PERM1: variants seen among roughly 807,000 people sequenced by gnomAD.
The protein encoded by PERM1 is PPARGC1 and ESRR induced regulator, muscle 1.
Under a neutral mutation model 44.1 loss-of-function variants are expected in PERM1, and 45 were observed. The ratio of observed to expected loss-of-function variants is 1.02; its 90% CI spans 0.80 to 1.31. The LOEUF is 1.31. Among genes scored for constraint, PERM1 ranks in the 50% most tolerant of loss-of-function variants. PERM1 has a pLI of 0.00. For missense variants in PERM1, 1,189 were observed against 1,106.9 expected (o/e 1.07, Z -1.05); for synonymous variants, 565 against 477.1 (o/e 1.18, Z -2.40).
At chr1:976,650 C>A in intron 1 of PERM1, 26 bp from the exon 3 acceptor site, 4 of 1,548,744 alleles carry the variant, frequency 2.6e-6, no homozygotes, top group Admixed American at 2.0e-5. Context: ...ACCTTCAGCC[C>A]CACGGCTGCA....
intron 2 of PERM1, 75 bp downstream of exon 3, chr1:976,424 G>A (rs980960303): frequency 1.6e-5 from 25 of 1,544,804 alleles, no homozygotes; most frequent in African/African-American, 1.5e-4. Flanking sequence ...CGGGGCCCCC[G>A]TGCACCCCTC....
At chr1:980,770 C>T in exon 1 of PERM1, 1 of 1,403,978 alleles carries the variant, frequency 7.1e-7, no homozygotes, top group Non-Finnish European at 9.2e-7. Context: ...ACCCTGAGAC[C>T]TGCTGACCGG....
exon 1 of PERM1, chr1:979,722 C>A (rs922995264): frequency 6.5e-7 from 1 of 1,550,312 alleles, no homozygotes; most frequent in African/African-American, 1.4e-5. Flanking sequence ...CGGTCATCCT[C>A]GGCACAGCCT....
chr1:976,064 C>G (rs926702521), exon 3 of PERM1: 2 of 1,118,512 alleles, frequency 1.8e-6, no homozygotes, highest in Non-Finnish European at 2.5e-6. Context: ...CTCCTGGACG[C>G]GGTAGAAGAG....
chr1:980,318 G>T (rs1557660439), exon 1 of PERM1: 1 of 1,550,258 alleles, frequency 6.5e-7, no homozygotes, highest in East Asian at 2.4e-5. Context: ...CTGGGGCCAG[G>T]CTCAGGAGCT....
At chr1:981,948 T>C, upstream of PERM1, 1 of 841,510 alleles carries the variant, frequency 1.2e-6, no homozygotes, top group South Asian at 1.6e-5. Flanking sequence ...GGCCAGGGCA[T>C]GGTGGCTTCC....
At chr1:981,014 A>G (rs1643781769) in exon 1 of PERM1, 1 of 1,530,202 alleles carries the variant, frequency 6.5e-7, no homozygotes, top group South Asian at 1.2e-5. Context: ...TGGACGCTGT[A>G]CTGGAAATTT....
At chr1:975,745 C>T in exon 3 of PERM1, 1 of 173,936 alleles carries the variant, frequency 5.7e-6, no homozygotes, top group South Asian at 1.3e-4. Context: ...GCTCAGACCC[C>T]TCCGAGGTCC....
exon 3 of PERM1, chr1:976,248 G>A: frequency 6.5e-7 from 1 of 1,530,734 alleles, no homozygotes; most frequent in Non-Finnish European, 8.8e-7. Flanking sequence ...GGCAGAGATG[G>A]TGCCGACGTT....
exon 1 of PERM1, chr1:979,995 C>T: frequency 3.9e-6 from 6 of 1,549,022 alleles, no homozygotes; most frequent in Non-Finnish European, 5.2e-6. Context: ...CAGGTGTAGA[C>T]ACAGCCATGT....
At chr1:975,493 C>T (rs1045195906) in exon 3 of PERM1, 1 of 152,352 alleles carries the variant, frequency 6.6e-6, no homozygotes, top group African/African-American at 2.4e-5. Flanking sequence ...GGGCTCGCGG[C>T]TCTGCCACAG....
chr1:979,335 A>G (rs1159175035), exon 1 of PERM1: 1 of 1,525,038 alleles, frequency 6.6e-7, no homozygotes, highest in East Asian at 2.5e-5. Context: ...TCGTCACGGC[A>G]GAGGGAGGGG....
exon 1 of PERM1, chr1:979,529 T>C (rs1365083769): frequency 1.3e-6 from 2 of 1,549,844 alleles, no homozygotes; most frequent in South Asian, 1.2e-5. Context: ...ACTTTCTTCT[T>C]CCTGGGGACT....
chr1:979,918 G>T, exon 1 of PERM1: 2 of 1,550,130 alleles, frequency 1.3e-6, no homozygotes, highest in Non-Finnish European at 8.7e-7. Context: ...AGACACAGCC[G>T]TGTCAGATTG....
chr1:976,138 C>T (rs1421486924), exon 3 of PERM1: 6 of 1,542,314 alleles, frequency 3.9e-6, no homozygotes, highest in Non-Finnish European at 4.4e-6. Context: ...TGGTCGTCTC[C>T]TCATCCTGCA....
At chr1:978,929 G>C (rs1319385462) in exon 1 of PERM1, 1 of 1,507,024 alleles carries the variant, frequency 6.6e-7, no homozygotes, top group South Asian at 1.3e-5. Context: ...GCTGGCTTGA[G>C]GGGGGTCCCA....
At chr1:978,976 A>C (rs1413033315) in exon 1 of PERM1, 1 of 1,517,962 alleles carries the variant, frequency 6.6e-7, no homozygotes, top group African/African-American at 1.4e-5. Flanking sequence ...GGGAGGCTCC[A>C]GGGCCTGCAG....
exon 1 of PERM1, chr1:978,950 C>T (rs1184701045): frequency 2.0e-6 from 3 of 1,508,920 alleles, no homozygotes; most frequent in Non-Finnish European, 2.7e-6. Context: ...GGCCCCGCCC[C>T]CTCGGAGGCC....
intron 1 of PERM1, among the ~76,000 whole-genome samples, chr1:978,350 T>C (rs1458575494): frequency 1.4e-5 from 2 of 144,426 alleles, no homozygotes; most frequent in African/African-American, 5.2e-5. Context: ...CATGGACACG[T>C]CTTCCTGAGA....
Sources: allele counts gnomAD v4.1 joint callset (sites outside exome capture counted in the v4.1 genomes callset), GRCh38; gene constraint gnomAD v4.1.1; transcripts MANE v1.5; gene names NCBI Gene and HGNC (gene_info 2026-07-23, HGNC 2026-07-21).